Variants in CPT1C observed in about 807,000 individuals in gnomAD.
CPT1C encodes the protein palmitoyl thioesterase CPT1C.
Under a neutral mutation model 97.3 loss-of-function variants are expected in CPT1C, and 61 were observed. The ratio of observed to expected loss-of-function variants is 0.63; its 90% CI spans 0.51 to 0.78. The LOEUF (loss-of-function observed/expected upper bound fraction) is 0.78. CPT1C is among the 30% of genes least tolerant of loss of function. The probability of loss-of-function intolerance (pLI) is 0.00; values close to 1 mark genes in which losing one functional copy is unlikely to be tolerated. For synonymous variants in CPT1C, 469 were observed against 447.2 expected (o/e 1.05, Z -0.61); for missense variants, 975 against 1,065.5 (o/e 0.92, Z 1.18).
At chr19:49,708,002 C>CAAAAAAAAAAAA (rs60276067) in intron 13 of CPT1C, among the ~76,000 whole-genome samples, 25 of 56,758 alleles carry the variant, frequency 4.4e-4, no homozygotes, top group East Asian at 6.7e-4. Flanking sequence ...GAATACATCT[C>CAAAAAAAAAAAA]AAAAAAAAAA....
At chr19:49,704,899 T>C in intron 8 of CPT1C, 108 bp from the exon 9 acceptor site, 1 of 1,398,576 alleles carries the variant, frequency 7.2e-7, no homozygotes, top group Non-Finnish European at 1.0e-6. Flanking sequence ...CCATCTGGGA[T>C]TCATCATTCC....
In CPT1C at chr19:49,705,701, A is replaced by G. The variant is rs186149436; in HGVS notation, c.965-208A>G. 1.5e-4 allele frequency among the ~76,000 whole-genome samples: 23 copies of G among 152,216 alleles called. No individual in the cohort carries two copies. The East Asian group carries it at 3.5e-3, about 23-fold the overall frequency. Reference sequence around the variant, plus strand: ...CCTGAGCCCCGGAGGTTGAGGCTGCAGTGAGCTGAGATCTCACCACTGCAC... The same window carrying G: ...CCTGAGCCCCGGAGGTTGAGGCTGCGGTGAGCTGAGATCTCACCACTGCAC... On this transcript the variant is annotated intron_variant, in intron 10 of 19. Transcript: ENST00000598293.
At chr19:49,693,653 C>T (rs1351769330) in intron 3 of CPT1C, among the ~76,000 whole-genome samples, 1 of 152,090 alleles carries the variant, frequency 6.6e-6, no homozygotes, top group Non-Finnish European at 1.5e-5. Flanking sequence ...CTGGGCACTG[C>T]GGGCTCACGG....
At chr19:49,703,207 C>T (rs920779467) in intron 7 of CPT1C, among the ~76,000 whole-genome samples, 2 of 145,152 alleles carry the variant, frequency 1.4e-5, no homozygotes, top group African/African-American at 5.1e-5. Context: ...TTTTCTGTCT[C>T]CTTCCTTCCT....
chr19:49,704,955 C>G, intron 8 of CPT1C, 52 bp from the exon 9 acceptor site: 1 of 1,502,494 alleles, frequency 6.7e-7, no homozygotes, highest in Non-Finnish European at 9.1e-7. Context: ...GTGGCTCCAT[C>G]GGGGGCAAAC....
chr19:49,699,653 G>A (rs973568885), intron 4 of CPT1C, among the ~76,000 whole-genome samples: 5 of 151,960 alleles, frequency 3.3e-5, no homozygotes, highest in African/African-American at 1.2e-4. Context: ...ACCTGGATGG[G>A]TTGTTAAACC....
intron 13 of CPT1C, 84 bp from the exon 14 acceptor site, chr19:49,708,639 A>G (rs2083653793): frequency 9.6e-6 from 9 of 940,982 alleles, no homozygotes; most frequent in South Asian, 5.3e-5. Flanking sequence ...TACCCGAAAA[A>G]GGGCTGCATG....
chr19:49,705,113 C>A lies in CPT1C; in HGVS notation c.878C>A (p.Pro293Gln), dbSNP rs764369739. 1 of 1,614,022 alleles carries A rather than the reference C, an allele frequency of 6.2e-7. No homozygotes were observed. Among genetic ancestry groups the A allele is most frequent in the Non-Finnish European group, 8.5e-7 (1 of 1,179,928 alleles). The change falls in exon 9 of 20, where the codon CCG becomes CAG. Residue 293 changes from proline (P) to glutamine (Q), a missense_variant and splice_region_variant. Pro to Gln is a moderately conservative substitution (Grantham distance 76). Transcript: ENST00000598293. ...RHRLNRQEIP[P>Q]TLLMGMRPLC... is the part of the protein sequence containing the mutation. ...CGCCTGAACCGCCAGGAGATACCCC[C>A]GGTGAGAGGGCCCCAGTGGGTTAGG...
In CPT1C at chr19:49,713,450, GACGC is replaced by G. The variant is rs758370195; in HGVS notation, c.2260_2263del (p.Ala754CysfsTer44). The G allele has an allele frequency of 6.2e-7, 1 of 1,613,992 alleles. No individual in the cohort carries two copies. ...CCACAGGCTGGGGCAGCACATTGAG[GACGC>G]ACTGCTGGATGTGGCCTCCCTGTTC... On this transcript the variant is annotated frameshift_variant, in exon 20 of 20. Transcript: ENST00000598293. LOFTEE classifies it low-confidence loss of function (END_TRUNC).
In CPT1C at chr19:49,710,491, T is replaced by A. The variant is rs201870376; in HGVS notation, c.1731+7T>A. 10,249 of 1,614,164 alleles carry A rather than the reference T, an allele frequency of 6.3e-3. 35 individuals are homozygous for A. Among genetic ancestry groups the A allele is most frequent in the Non-Finnish European group, 7.7e-3 (9,075 of 1,180,036 alleles). Reference sequence around the variant, plus strand: ...GCAACTGGCCCACTTCCGGGTCAGTTGGGTTCCCCATCCACAGCCCCCGCA... The same window carrying A: ...GCAACTGGCCCACTTCCGGGTCAGTAGGGTTCCCCATCCACAGCCCCCGCA... On this transcript the variant is annotated splice_region_variant and intron_variant, in intron 15 of 19. Transcript: ENST00000598293.
Position 49,711,846 on chromosome 19 carries a change from A to G in CPT1C, c.1904A>G (p.Asp635Gly), listed in dbSNP as rs1404670723. The G allele has an allele frequency of 1.2e-6, 2 of 1,613,732 alleles. No individual in the cohort carries two copies. Among genetic ancestry groups the G allele is most frequent in the Admixed American group, 3.3e-5 (2 of 60,004 alleles). Residue 635 changes from aspartate (D) to glycine (G), a missense_variant, in exon 17 of 20, where the codon GAC becomes GGC. Physicochemically the swap from Asp to Gly is moderately conservative, Grantham distance 94 (BLOSUM62 -1). Around this residue, in one of 3 missense-constraint regions of CPT1C, gnomAD observed 344 missense variants for 395.7 expected, o/e 0.87. Transcript: ENST00000598293. ...CTCGCCCTGTTCCGCGTGGCAGTGG[A>G]CAAGCACCAGGCTCTGCTGAAGGCA... Reference protein sequence around the residue: ...QCLALFRVAVDKHQALLKAAM... With the variant: ...QCLALFRVAVGKHQALLKAAM...
At chr19:49,702,935 G>A (rs559457356) in intron 7 of CPT1C, among the ~76,000 whole-genome samples, 6 of 152,246 alleles carry the variant, frequency 3.9e-5, no homozygotes, top group South Asian at 2.1e-4. Context: ...AGAGCCCCAC[G>A]AGGCAGCTAT....
chr19:49,705,849 G>T, intron 10 of CPT1C, 60 bp from the exon 11 acceptor site: 1 of 1,445,508 alleles, frequency 6.9e-7, no homozygotes, highest in Non-Finnish European at 9.5e-7. Flanking sequence ...ATAATAAATG[G>T]TCACTATTTT....
chr19:49,704,471 G>A (rs957524792), intron 7 of CPT1C, among the ~76,000 whole-genome samples: 3 of 152,072 alleles, frequency 2.0e-5, no homozygotes, highest in African/African-American at 7.2e-5. Context: ...GTGCCCAGCT[G>A]TACCTTGTTA....
At chr19:49,700,949 T>C (rs2082987999) in intron 5 of CPT1C, 94 bp downstream of exon 5, 1 of 1,356,000 alleles carries the variant, frequency 7.4e-7, no homozygotes, top group African/African-American at 1.4e-5. Context: ...TCTGGGTCTC[T>C]GTCCCTCTCT....
chr19:49,694,165 T>C (rs1212168209), intron 3 of CPT1C, among the ~76,000 whole-genome samples: 2 of 150,954 alleles, frequency 1.3e-5, no homozygotes, highest in Non-Finnish European at 3.0e-5. Context: ...CTCATTCGAG[T>C]TGGGGGAGAA....
chr19:49,704,803 G>T lies in CPT1C; in HGVS notation c.771+16G>T, dbSNP rs1336502258. 1 of 1,612,760 alleles carries T rather than the reference G, an allele frequency of 6.2e-7. No homozygotes were observed. The highest frequency in any genetic ancestry group is 1.7e-5 in the Admixed American group (1 of 60,012). ...TTACATGATGGTGAGAAGGGGAGGGGTGAGGTTCATAGGCCCCAGGTCTAG... is the reference window on the plus strand; with the variant it reads ...TTACATGATGGTGAGAAGGGGAGGGTTGAGGTTCATAGGCCCCAGGTCTAG... On this transcript the variant is annotated intron_variant, in intron 8 of 19. Coordinates refer to ENST00000598293, the MANE Select transcript of CPT1C (RefSeq NM_001199753.2).
In CPT1C at chr19:49,705,225, G is replaced by A. The variant is rs1370771321; in HGVS notation, c.891G>A (p.Met297Ile). ...ACGGTTTCCTGCAGACTTTGCTGAT[G>A]GGAATGCGCCCCTTATGCTCTGCCC... ...NRQEIPPTLLMGMRPLCSAQY... is the reference protein window; with the variant it reads ...NRQEIPPTLLIGMRPLCSAQY... Residue 297 changes from methionine (M) to isoleucine (I), a missense_variant, in exon 10 of 20, where the codon ATG (methionine) becomes ATA (isoleucine). Physicochemically the swap from Met to Ile is conservative, Grantham distance 10. Around this residue, in one of 3 missense-constraint regions of CPT1C, gnomAD observed 596 missense variants for 603.1 expected, o/e 0.99. Coordinates refer to ENST00000598293, the MANE Select transcript of CPT1C (RefSeq NM_001199753.2). 1 of 1,614,120 alleles carries A rather than the reference G, an allele frequency of 6.2e-7. No individual in the cohort carries two copies. Among genetic ancestry groups the A allele is most frequent in the East Asian group, 2.2e-5 (1 of 44,886 alleles).
chr19:49,708,949 C>G (rs553854665), intron 14 of CPT1C, 110 bp downstream of exon 14: 8 of 705,582 alleles, frequency 1.1e-5, no homozygotes, highest in South Asian at 3.5e-5. Flanking sequence ...ATTCCTACCC[C>G]CAACCCGAAA....
Sources: allele counts gnomAD v4.1 joint callset (sites outside exome capture counted in the v4.1 genomes callset), GRCh38; gene constraint gnomAD v4.1.1; regional missense constraint gnomAD v4.1.1; transcripts MANE v1.5; gene names NCBI Gene and HGNC (gene_info 2026-07-23, HGNC 2026-07-21).